Variants in NCAPG observed in about 807,000 individuals in gnomAD.
The protein encoded by NCAPG is condensin complex subunit 3.
Under a neutral mutation model 113.1 loss-of-function variants are expected in NCAPG, and 69 were observed. The observed-to-expected ratio is 0.61, with a 90% CI of 0.50 to 0.75. The LOEUF is 0.75. Among genes scored for constraint, NCAPG ranks in the 30% least tolerant of loss-of-function variants. The probability of loss-of-function intolerance (pLI) is 0.00; values close to 1 mark genes in which losing one functional copy is unlikely to be tolerated. For synonymous variants in NCAPG, 370 were observed against 415.8 expected (o/e 0.89, Z 1.34); for missense variants, 1,058 against 1,177.0 (o/e 0.90, Z 1.48).
chr4:17,818,154 CT>C, intron 7 of NCAPG, 66 bp downstream of exon 7: 1 of 1,483,282 alleles, frequency 6.7e-7, no homozygotes, highest in Non-Finnish European at 9.0e-7. Flanking sequence ...TCCCAGTCCC[CT>C]TCCTCAAAGT....
In NCAPG at chr4:17,811,541, G is replaced by T. The variant is rs116750812; in HGVS notation, c.111+353G>T. Among the ~76,000 whole-genome samples the T allele has an allele frequency of 0.013, 1,917 of 152,208 alleles. 37 individuals carry two copies. The highest frequency in any genetic ancestry group is 0.044 in the African/African-American group (1,818 of 41,536). On this transcript the variant is annotated intron_variant, in intron 1 of 20. Transcript: ENST00000251496. This position sits in a 1 kb window ranked among gnomAD's most constrained non-coding sequence, Gnocchi z 5.3. ...GCGATCAGACATCAAATATTGAACC[G>T]CAGAGTGGATCCTGAATGCGGGGGT...
intron 12 of NCAPG, among the ~76,000 whole-genome samples, chr4:17,830,651 A>G (rs1721832731): frequency 6.7e-6 from 1 of 150,272 alleles, no homozygotes; most frequent in South Asian, 2.1e-4. Context: ...TCTGTTGGAT[A>G]GCATTGAATC....
chr4:17,827,805 CTT>C (rs757341298), intron 11 of NCAPG, among the ~76,000 whole-genome samples: 15,102 of 125,652 alleles, frequency 0.12, 608 homozygotes, highest in South Asian at 0.22. Flanking sequence ...GAAGATTAGA[CTT>C]TTTTTTTTTT....
intron 3 of NCAPG, among the ~76,000 whole-genome samples, chr4:17,814,491 G>T (rs1721115948): frequency 1.3e-5 from 2 of 152,176 alleles, no homozygotes; most frequent in African/African-American, 4.8e-5. Context: ...TATTACAGAT[G>T]GGTTCTCACT....
rs1722719823 is a variant in NCAPG, at chr4:17,844,356, T to C, written c.*931T>C. The C allele has an allele frequency of 6.6e-6, 1 of 152,460 alleles. No homozygotes were observed. Among genetic ancestry groups the C allele is most frequent in the African/African-American group, 2.4e-5 (1 of 41,448 alleles). 9.4% of individuals were successfully genotyped at this position (152,460 alleles called of 1,614,324 possible). A position where few individuals can be genotyped will look rare whatever the true frequency, so the allele number is the denominator to read the frequency against. On this transcript the variant is annotated 3_prime_UTR_variant, in exon 21 of 21. Transcript: ENST00000251496. ...TTCTCTTTATTATTCAGAAATGTCC[T>C]AACATGGATCTGTTTGTTTTAATAA...
At chr4:17,826,184 T>C (rs943771065) in intron 11 of NCAPG, among the ~76,000 whole-genome samples, 1 of 152,160 alleles carries the variant, frequency 6.6e-6, no homozygotes, top group Non-Finnish European at 1.5e-5. Flanking sequence ...ATCGATACCA[T>C]TCTGTCTTAC....
chr4:17,818,604 AT>A (rs1363800214), intron 7 of NCAPG, among the ~76,000 whole-genome samples: 2 of 152,252 alleles, frequency 1.3e-5, no homozygotes, highest in Non-Finnish European at 2.9e-5. Flanking sequence ...TCAGTTAAAA[AT>A]TTAAAATAGT....
At chr4:17,818,212 G>A (rs1171418283) in intron 7 of NCAPG, 124 bp downstream of exon 7, 1 of 984,232 alleles carries the variant, frequency 1.0e-6, no homozygotes, top group African/African-American at 1.6e-5. Flanking sequence ...TGTACATGTA[G>A]GGATAGTTAT....
rs1444467726 is a variant in NCAPG at position 17,843,788 on chromosome 4, A to AGAT, written c.*365_*367dup. ...CTTGCATTTGAGAAGCTTATGACTTAGATGGGCAGAATCAACAAAGATGAA... is the reference window on the plus strand; with the variant it reads ...CTTGCATTTGAGAAGCTTATGACTTAGATGATGGGCAGAATCAACAAAGATGAA... On this transcript the variant is annotated 3_prime_UTR_variant, in exon 21 of 21. Coordinates refer to ENST00000251496, the MANE Select transcript of NCAPG (RefSeq NM_022346.5). The AGAT allele has an allele frequency of 6.3e-6, 1 of 159,238 alleles. No individual in the cohort carries two copies. The highest frequency in any genetic ancestry group is 1.4e-5 in the Non-Finnish European group (1 of 71,944). The allele number at this position is 159,238 out of a possible 1,614,324, so 9.9% of individuals were successfully genotyped here.
intron 4 of NCAPG, 83 bp downstream of exon 4, chr4:17,815,081 G>A (rs922058537): frequency 7.1e-6 from 11 of 1,544,744 alleles, no homozygotes; most frequent in African/African-American, 5.5e-5. Context: ...AAAATACTTG[G>A]CATGTAATAA....
chr4:17,825,376 C>A lies in NCAPG; in HGVS notation c.1474-6C>A. On this transcript the variant is annotated splice_region_variant and splice_polypyrimidine_tract_variant and intron_variant, in intron 10 of 20. Coordinates refer to ENST00000251496, the MANE Select transcript of NCAPG (RefSeq NM_022346.5). ...CAGTGTTGAAACAATTTATATCTTCCCTTAGATGGCTGAAATAAAAGTTAA... is the reference window on the plus strand; with the variant it reads ...CAGTGTTGAAACAATTTATATCTTCACTTAGATGGCTGAAATAAAAGTTAA... The A allele has an allele frequency of 6.3e-7, 1 of 1,578,706 alleles. No homozygotes were observed. The highest frequency in any genetic ancestry group is 1.2e-5 in the South Asian group (1 of 85,700).
intron 20 of NCAPG, chr4:17,843,100 T>G (rs1004159200): frequency 2.8e-5 from 13 of 459,908 alleles, no homozygotes; most frequent in Non-Finnish European, 4.7e-5. Flanking sequence ...AATCATTAGC[T>G]AGATTTTCCC....
rs192486914 is a variant in NCAPG at position 17,837,154 on chromosome 4, G to T, written c.2110-5G>T. 6.5e-5 allele frequency: 104 copies of T among 1,611,206 alleles called. No homozygotes were observed. In the African/African-American group the frequency reaches 1.1e-3, roughly 18 times the overall value. On this transcript the variant is annotated splice_polypyrimidine_tract_variant and splice_region_variant and intron_variant, in intron 14 of 20. Coordinates refer to ENST00000251496, the MANE Select transcript of NCAPG (RefSeq NM_022346.5). The stretch of plus-strand genomic sequence containing the variant: ...ATTTCTTCTAATGAATGTCATCTTT[G>T]TTAGGTATCTGAACTTAGGACTGGA...
At position 17,822,920 on chromosome 4, in the gene NCAPG, G is replaced by A. The variant is rs1056823842; in HGVS notation, c.1119-63G>A. The A allele has an allele frequency of 5.1e-6, 7 of 1,364,584 alleles. No homozygotes were observed. In the African/African-American group the frequency reaches 1.0e-4, roughly 20 times the overall value. 84.5% of individuals were successfully genotyped at this position (1,364,584 alleles called of 1,614,324 possible). On this transcript the variant is annotated intron_variant, in intron 7 of 20. Coordinates refer to ENST00000251496, the MANE Select transcript of NCAPG (RefSeq NM_022346.5). ...AATGGCCCTTTTCTGACCTAATGGT[G>A]GGAATCAACTCTTGTTTGATGTTTC... is the stretch of plus-strand genomic sequence containing the variant.
intron 8 of NCAPG, among the ~76,000 whole-genome samples, 180 bp from the exon 9 acceptor site, chr4:17,823,467 T>G (rs543716561): frequency 9.2e-4 from 140 of 152,252 alleles, no homozygotes; most frequent in African/African-American, 3.1e-3. Context: ...AAATTTTTTT[T>G]TGTGTGGAAT....
Position 17,837,719 on chromosome 4 carries a change from T to A in NCAPG, c.2384T>A (p.Ile795Asn). The change falls in exon 16 of 21, where the codon ATC (isoleucine) becomes AAC (asparagine). Residue 795 changes from isoleucine to asparagine, a missense_variant. Transcript: ENST00000251496. ...PASSPLAEID[I>N]TNVAELLVDL... ...TCTTCTCCTTTAGCTGAAATTGATA[T>A]CACAAATGTTGCTGAGTTACTTGTA... The A allele has an allele frequency of 6.2e-7, 1 of 1,614,036 alleles. No individual in the cohort carries two copies. The highest frequency in any genetic ancestry group is 8.5e-7 in the Non-Finnish European group (1 of 1,179,924).
intron 12 of NCAPG, among the ~76,000 whole-genome samples, chr4:17,830,329 G>A (rs1370310181): frequency 1.1e-4 from 16 of 151,596 alleles, no homozygotes; most frequent in Non-Finnish European, 1.5e-5. Flanking sequence ...GGAGGCTGAG[G>A]TTGCAGTGAG....
intron 6 of NCAPG, 58 bp downstream of exon 6, chr4:17,817,511 G>GA: frequency 1.4e-6 from 2 of 1,423,212 alleles, no homozygotes; most frequent in Non-Finnish European, 1.9e-6. Flanking sequence ...CAATTAATTT[G>GA]TTTTTTTTCC....
rs748337202 is a variant in NCAPG, at chr4:17,837,323, G to A, written c.2274G>A (p.Val758=). Residue 758 remains valine, a synonymous_variant, in exon 15 of 21, where the codon GTG becomes GTA. Transcript: ENST00000251496. ...LRHCLGVFFP[V]FAYASRTNQE... is the part of the protein sequence containing the mutation. ...ATTGCCTAGGCGTGTTCTTCCCCGTGTTTGCTTATGCAAGCAGGTATTGAG... is the reference window on the plus strand; with the variant it reads ...ATTGCCTAGGCGTGTTCTTCCCCGTATTTGCTTATGCAAGCAGGTATTGAG... The A allele has an allele frequency of 1.2e-6, 2 of 1,613,058 alleles. No individual in the cohort carries two copies. Among genetic ancestry groups the A allele is most frequent in the Non-Finnish European group, 1.7e-6 (2 of 1,179,594 alleles).
Sources: gnomAD v4.1 joint callset for allele counts (sites outside exome capture counted in the v4.1 genomes callset) on GRCh38, gnomAD v4.1.1 for gene constraint, Gnocchi (gnomAD v3.1) non-coding constraint, MANE v1.5 for transcripts, NCBI Gene and HGNC (gene_info 2026-07-23, HGNC 2026-07-21) for gene names.